Variants in PTPRR observed in about 807,000 individuals in gnomAD.
PTPRR encodes protein tyrosine phosphatase receptor type R.
In PTPRR, 38 loss-of-function variants were observed where a neutral mutation model predicts 77.2. The ratio of observed to expected loss-of-function variants is 0.49; its 90% CI spans 0.38 to 0.65. The LOEUF (loss-of-function observed/expected upper bound fraction) is 0.65, where lower values mean the gene tolerates loss of function less well. Among genes scored for constraint, PTPRR ranks in the 30% least tolerant of loss-of-function variants. The pLI is 0.00. For missense variants in PTPRR, 744 were observed against 799.2 expected (o/e 0.93, Z 0.83); for synonymous variants, 299 against 283.1 (o/e 1.06, Z -0.57).
chr12:70,760,502 G>C lies in PTPRR; in HGVS notation c.627+969C>G, dbSNP rs1165627013. Among the ~76,000 whole-genome samples, 4 of 152,192 alleles carry C rather than the reference G, an allele frequency of 2.6e-5. No individual in the cohort carries two copies. The East Asian group carries it at 5.8e-4, about 22-fold the overall frequency. Reference sequence around the variant, plus strand: ...AATAGACCAGGGATCAGGACATCTAGATTTTGGACAGGGAAGATGGCTCAC... The same window carrying C: ...AATAGACCAGGGATCAGGACATCTACATTTTGGACAGGGAAGATGGCTCAC... On this transcript the variant is annotated intron_variant, in intron 4 of 13. Coordinates refer to ENST00000283228, the MANE Select transcript of PTPRR (RefSeq NM_002849.4).
At chr12:70,708,662 A>C (rs1247054601) in intron 6 of PTPRR, among the ~76,000 whole-genome samples, 1 of 151,816 alleles carries the variant, frequency 6.6e-6, no homozygotes, top group Non-Finnish European at 1.5e-5. Context: ...TAGTAGTTCT[A>C]TTTTTAGTTC....
chr12:70,674,656 G>A (rs1426961134), intron 10 of PTPRR, among the ~76,000 whole-genome samples: 1 of 151,866 alleles, frequency 6.6e-6, no homozygotes, highest in Non-Finnish European at 1.5e-5. Context: ...AGTCGTAGTT[G>A]GTCACTTTTC....
At chr12:70,660,728 T>C (rs768545707) in intron 12 of PTPRR, among the ~76,000 whole-genome samples, 10 of 152,352 alleles carry the variant, frequency 6.6e-5, no homozygotes, top group Middle Eastern at 6.8e-3. Context: ...GACTGTGTAA[T>C]TGTTGTTTGT....
intron 2 of PTPRR, among the ~76,000 whole-genome samples, chr12:70,770,638 A>G (rs1244358428): frequency 6.6e-6 from 1 of 152,234 alleles, no homozygotes; most frequent in Non-Finnish European, 1.5e-5. Context: ...CATTTGACCC[A>G]GCCATCCCAT....
intron 2 of PTPRR, among the ~76,000 whole-genome samples, chr12:70,825,828 G>A (rs1397865686): frequency 6.6e-6 from 1 of 152,154 alleles, no homozygotes; most frequent in African/African-American, 2.4e-5. Context: ...AATAAATTGG[G>A]GGAAGAAGCA....
intron 6 of PTPRR, among the ~76,000 whole-genome samples, chr12:70,745,251 C>T (rs1398674081): frequency 6.6e-6 from 1 of 152,194 alleles, no homozygotes; most frequent in African/African-American, 2.4e-5. Flanking sequence ...TGGTCTTGAA[C>T]TCCTGGCCTC....
chr12:70,894,713 G>A (rs929933075), intron 1 of PTPRR, among the ~76,000 whole-genome samples: 8 of 151,680 alleles, frequency 5.3e-5, no homozygotes, highest in African/African-American at 1.9e-4. Context: ...ACAACATTGA[G>A]ATATCCTGTT....
chr12:70,771,828 C>T (rs1174501954), intron 2 of PTPRR, among the ~76,000 whole-genome samples: 4 of 152,022 alleles, frequency 2.6e-5, no homozygotes, highest in African/African-American at 9.7e-5. Flanking sequence ...GATTTGCTGC[C>T]AGTGCAAGGC....
chr12:70,737,487 T>TATCC (rs1371796710), intron 6 of PTPRR, among the ~76,000 whole-genome samples: 4 of 22,026 alleles, frequency 1.8e-4, no homozygotes, highest in African/African-American at 3.7e-4. Context: ...ATTTAATGAA[T>TATCC]ATCTATCTAT....
At chr12:70,908,423 G>C (rs550930262) in intron 1 of PTPRR, among the ~76,000 whole-genome samples, 1 of 152,204 alleles carries the variant, frequency 6.6e-6, no homozygotes, top group Non-Finnish European at 1.5e-5. Flanking sequence ...ACTTACAATC[G>C]GCAGAAGGGG....
chr12:70,889,875 A>T (rs571347677), intron 2 of PTPRR, among the ~76,000 whole-genome samples: 43 of 151,912 alleles, frequency 2.8e-4, no homozygotes, highest in Non-Finnish European at 3.5e-4. Context: ...TCCCATTTCC[A>T]TGCCGTTTCA....
chr12:70,843,171 A>G (rs1892425923), intron 2 of PTPRR, among the ~76,000 whole-genome samples: 4 of 152,198 alleles, frequency 2.6e-5, no homozygotes, highest in Admixed American at 2.6e-4. Context: ...CAGCCACTGA[A>G]AAAAGGATGT....
At chr12:70,873,470 A>T (rs1395636043) in intron 2 of PTPRR, among the ~76,000 whole-genome samples, 1 of 152,204 alleles carries the variant, frequency 6.6e-6, no homozygotes, top group Admixed American at 6.5e-5. Flanking sequence ...GCTGGATGAG[A>T]TGCCCATCTC....
intron 2 of PTPRR, among the ~76,000 whole-genome samples, chr12:70,859,436 T>C (rs1892711585): frequency 6.6e-6 from 1 of 152,086 alleles, no homozygotes; most frequent in South Asian, 2.1e-4. Context: ...TTGTTAATTG[T>C]ATCATCGTTT....
At chr12:70,875,425 G>T (rs1893034362) in intron 2 of PTPRR, among the ~76,000 whole-genome samples, 1 of 152,130 alleles carries the variant, frequency 6.6e-6, no homozygotes, top group African/African-American at 2.4e-5. Flanking sequence ...AGATACGGAG[G>T]TTCAATAGAA....
chr12:70,733,157 C>A (rs1482894869), intron 6 of PTPRR, among the ~76,000 whole-genome samples: 1 of 151,946 alleles, frequency 6.6e-6, no homozygotes, highest in Non-Finnish European at 1.5e-5. Flanking sequence ...CAAATGTATA[C>A]ACTATAAGAC....
At chr12:70,702,634 T>C (rs761355207) in intron 6 of PTPRR, among the ~76,000 whole-genome samples, 6 of 152,226 alleles carry the variant, frequency 3.9e-5, no homozygotes, top group Non-Finnish European at 7.3e-5. Context: ...TTTTCTTCTC[T>C]GATGAATCTG....
At chr12:70,770,269 G>C (rs1232092372) in intron 2 of PTPRR, among the ~76,000 whole-genome samples, 3 of 151,418 alleles carry the variant, frequency 2.0e-5, no homozygotes, top group Admixed American at 1.3e-4. Context: ...ATCTGACAAA[G>C]GGCTAATATC....
chr12:70,748,447 A>C (rs1275754001), intron 5 of PTPRR, among the ~76,000 whole-genome samples: 10 of 152,194 alleles, frequency 6.6e-5, no homozygotes. Context: ...ACTCAACCTA[A>C]AAGCTTACCG....
Sources: gnomAD v4.1 joint callset for allele counts (sites outside exome capture counted in the v4.1 genomes callset) on GRCh38, gnomAD v4.1.1 for gene constraint, MANE v1.5 for transcripts, NCBI Gene and HGNC (gene_info 2026-07-23, HGNC 2026-07-21) for gene names.